PJA2: variants seen among roughly 807,000 people sequenced by gnomAD.
The protein encoded by PJA2 is E3 ubiquitin-protein ligase Praja-2.
A neutral mutation model predicts 69.3 loss-of-function variants in PJA2; 25 were observed. The observed-to-expected ratio is 0.36, with a 90% CI of 0.26 to 0.50. The LOEUF is 0.50. Among genes scored for constraint, PJA2 ranks in the 20% least tolerant of loss-of-function variants. The pLI, the probability that PJA2 is intolerant of heterozygous loss-of-function variation, is 0.96. For synonymous variants in PJA2, 308 were observed against 277.8 expected (o/e 1.11, Z -1.08); for missense variants, 809 against 830.2 (o/e 0.97, Z 0.31).
intron 3 of PJA2, 58 bp downstream of exon 3, chr5:109,381,445 T>C: frequency 6.8e-7 from 1 of 1,462,106 alleles, no homozygotes; most frequent in Non-Finnish European, 9.3e-7. Flanking sequence ...AAAATTTAAT[T>C]ATAAGATCAA....
At chr5:109,405,299 G>C (rs193168479) in intron 1 of PJA2, among the ~76,000 whole-genome samples, 102 of 152,252 alleles carry the variant, frequency 6.7e-4, no homozygotes, top group Non-Finnish European at 1.2e-3. Context: ...TACATAAATG[G>C]AGACAACCTG....
chr5:109,386,065 C>T (rs190366792), intron 1 of PJA2, among the ~76,000 whole-genome samples: 323 of 151,546 alleles, frequency 2.1e-3, no homozygotes, highest in African/African-American at 7.6e-3. Flanking sequence ...CCTGTAATCC[C>T]AGCACTTTGG....
At chr5:109,393,314 T>C (rs1747322501) in intron 1 of PJA2, among the ~76,000 whole-genome samples, 1 of 152,216 alleles carries the variant, frequency 6.6e-6, no homozygotes. Flanking sequence ...AATTAAAATA[T>C]TAACCATATC....
rs796518343 is a variant in PJA2, at chr5:109,354,065, A to C, written c.1764+1850T>G. On this transcript the variant is annotated intron_variant, in intron 7 of 9. Transcript: ENST00000361189. ...TATAGATTAGATATCTATGATATCT[A>C]GAGATATCTATAGATTAGATATCTA... Among the ~76,000 whole-genome samples, 20 of 129,600 alleles carry C rather than the reference A, an allele frequency of 1.5e-4. 1 individual carries two copies. In the South Asian group the frequency reaches 2.9e-3, roughly 19 times the overall value. The allele number at this position is 129,600 out of a possible 152,430, so 85.0% of individuals were successfully genotyped here.
chr5:109,357,982 T>A (rs183282532), intron 6 of PJA2, among the ~76,000 whole-genome samples: 10 of 152,370 alleles, frequency 6.6e-5, no homozygotes, highest in Non-Finnish European at 1.3e-4. Flanking sequence ...TCTAAGATCA[T>A]GTACTTGGCA....
chr5:109,380,086 C>CTTTTTTTTT (rs35217352), intron 3 of PJA2, among the ~76,000 whole-genome samples: 8 of 74,226 alleles, frequency 1.1e-4, no homozygotes, highest in Non-Finnish European at 2.1e-4. Flanking sequence ...ACGAAGGGTT[C>CTTTTTTTTT]TTTTTTTTTT....
In PJA2 at chr5:109,379,189, T is replaced by A. The variant is rs748683896; in HGVS notation, c.298A>T (p.Thr100Ser). ...PSEPIFEKSE[T>S]EIPTCGSALN... ...GCTGAACCACAAGTGGGAATTTCTGTTTCACTTTTTTCAAATATAGGTTCA... is the reference window on the plus strand; with the variant it reads ...GCTGAACCACAAGTGGGAATTTCTGATTCACTTTTTTCAAATATAGGTTCA... Residue 100 changes from threonine (T) to serine (S), a missense_variant, in exon 4 of 10, where the codon ACA becomes TCA. Thr to Ser is a moderately conservative substitution (Grantham distance 58). Transcript: ENST00000361189. The A allele has an allele frequency of 2.1e-5, 34 of 1,613,940 alleles. No homozygotes were observed. The highest frequency in any genetic ancestry group is 2.8e-5 in the Non-Finnish European group (33 of 1,180,002).
intron 9 of PJA2, among the ~76,000 whole-genome samples, chr5:109,342,107 C>T (rs1211790159): frequency 1.1e-4 from 13 of 119,606 alleles, no homozygotes; most frequent in African/African-American, 3.9e-4. Flanking sequence ...GTGGGGATGT[C>T]GGCCCCCCGC....
At chr5:109,362,133 CT>C (rs543426424) in intron 6 of PJA2, among the ~76,000 whole-genome samples, 11 of 152,102 alleles carry the variant, frequency 7.2e-5, no homozygotes, top group Admixed American at 3.9e-4. Context: ...ACCAAGATAT[CT>C]TTTTTGCCCC....
chr5:109,353,013 TATATCTATA>T (rs1762287067), intron 7 of PJA2, among the ~76,000 whole-genome samples: 1 of 123,846 alleles, frequency 8.1e-6, no homozygotes, highest in African/African-American at 3.0e-5. Flanking sequence ...ATTAGATACC[TATATCTATA>T]GATATCTATA....
intron 7 of PJA2, among the ~76,000 whole-genome samples, chr5:109,347,560 G>A (rs1582585939): frequency 6.6e-6 from 1 of 152,342 alleles, no homozygotes; most frequent in Middle Eastern, 3.4e-3. Context: ...CTGCAGCAGA[G>A]TACCTAGGGG....
chr5:109,382,021 C>G (rs933764784), intron 2 of PJA2, among the ~76,000 whole-genome samples: 5 of 151,818 alleles, frequency 3.3e-5, no homozygotes, highest in Non-Finnish European at 7.4e-5. Flanking sequence ...ATTATACTGC[C>G]AAAGCTCTTT....
intron 7 of PJA2, among the ~76,000 whole-genome samples, chr5:109,354,672 A>C (rs1343555512): frequency 6.8e-6 from 1 of 147,114 alleles, no homozygotes; most frequent in Non-Finnish European, 1.5e-5. Context: ...AATATACAAT[A>C]TATTAGAGAT....
chr5:109,346,844 A>G (rs1466910792), intron 7 of PJA2, among the ~76,000 whole-genome samples: 2 of 152,170 alleles, frequency 1.3e-5, no homozygotes, highest in African/African-American at 4.8e-5. Context: ...GCAATAGTAA[A>G]TTTTATATTA....
At chr5:109,402,970 T>C (rs1360223211) in intron 1 of PJA2, among the ~76,000 whole-genome samples, 1 of 151,898 alleles carries the variant, frequency 6.6e-6, no homozygotes, top group South Asian at 2.1e-4. Context: ...GACCTAAGCT[T>C]ACACCTTAAT....
chr5:109,364,385 A>G (rs1476051689), intron 5 of PJA2, among the ~76,000 whole-genome samples: 1 of 151,952 alleles, frequency 6.6e-6, no homozygotes, highest in African/African-American at 2.4e-5. Context: ...GCACTTTGGG[A>G]GGCCGAGGCG....
At chr5:109,401,408 C>G (rs972353645) in intron 1 of PJA2, among the ~76,000 whole-genome samples, 2 of 152,026 alleles carry the variant, frequency 1.3e-5, no homozygotes, top group Non-Finnish European at 2.9e-5. Context: ...TATAGTGAGA[C>G]AAGCTTGTAC....
Position 109,378,452 on chromosome 5 carries a change from T to G in PJA2, c.1035A>C (p.Arg345Ser). ...RHEAKQRSVQ[R>S]WREALEVEES... ...CCTCAACTTCCAAAGCCTCTCTCCA[T>G]CTTTGAACACTTCTTTGTTTCGCCT... Residue 345 changes from arginine (R) to serine (S), a missense_variant, in exon 4 of 10, where the codon AGA (arginine) becomes AGC (serine). Around this residue, in one of 4 missense-constraint regions of PJA2, gnomAD observed 700 missense variants for 639.5 expected, o/e 1.09. Coordinates refer to ENST00000361189, the MANE Select transcript of PJA2 (RefSeq NM_014819.5). The G allele has an allele frequency of 6.8e-6, 11 of 1,614,166 alleles. No individual in the cohort carries two copies. The highest frequency in any genetic ancestry group is 8.5e-6 in the Non-Finnish European group (10 of 1,180,016).
intron 1 of PJA2, among the ~76,000 whole-genome samples, chr5:109,407,975 C>G (rs114834712): frequency 0.03 from 4,613 of 152,158 alleles, 89 homozygotes; most frequent in Middle Eastern, 0.048. Context: ...ATTTTTAGTT[C>G]AGTCTAAAGT....
Sources: allele counts gnomAD v4.1 joint callset (sites outside exome capture counted in the v4.1 genomes callset), GRCh38; gene constraint gnomAD v4.1.1; regional missense constraint gnomAD v4.1.1; transcripts MANE v1.5; gene names NCBI Gene and HGNC (gene_info 2026-07-23, HGNC 2026-07-21).